The following MMP26 variants were observed in gnomAD, a reference collection of about 807,000 sequenced individuals.
MMP26 encodes matrix metalloproteinase-26.
MMP26 carries 33 observed loss-of-function variants against 31.0 expected under a neutral mutation model. That is an observed-to-expected ratio of 1.06 (90% CI 0.81 to 1.42). The LOEUF (loss-of-function observed/expected upper bound fraction) is 1.42. Among genes scored for constraint, MMP26 ranks in the 40% most tolerant of loss-of-function variants. MMP26 has a pLI of 0.00. For synonymous variants in MMP26, 122 were observed against 114.9 expected, an observed-to-expected ratio of 1.06 and a Z score of -0.40; for missense variants, 347 against 316.1, an observed-to-expected ratio of 1.10 and a Z score of -0.74.
At chr11:4,815,170 C>T (rs1849404564) in intron 2 of MMP26, among the ~76,000 whole-genome samples, 1 of 152,194 alleles carries the variant, frequency 6.6e-6, no homozygotes, top group Admixed American at 6.5e-5. Flanking sequence ...GAAGTAGTCA[C>T]TTATGCCTTA....
At chr11:4,990,171 C>T (rs1228927209) in intron 4 of MMP26, among the ~76,000 whole-genome samples, 1 of 152,046 alleles carries the variant, frequency 6.6e-6, no homozygotes, top group Non-Finnish European at 1.5e-5. Flanking sequence ...TAATTTCTGC[C>T]TAGGTTACTC....
chr11:4,907,917 A>T (rs544760573), intron 2 of MMP26: 4 of 1,614,092 alleles, frequency 2.5e-6, no homozygotes, highest in South Asian at 2.2e-5. Flanking sequence ...CTTCATCAGG[A>T]TACCATGAAG....
chr11:4,935,485 A>G (rs1278948868), intron 2 of MMP26, among the ~76,000 whole-genome samples: 4 of 150,196 alleles, frequency 2.7e-5, no homozygotes, highest in Admixed American at 6.6e-5. Context: ...GGCTGAGACA[A>G]TGGGGTTTTC....
At chr11:4,927,581 G>A (rs1395589993) in intron 2 of MMP26, among the ~76,000 whole-genome samples, 1 of 152,078 alleles carries the variant, frequency 6.6e-6, no homozygotes, top group Non-Finnish European at 1.5e-5. Context: ...TGTGACTAGG[G>A]ATCTATGTGT....
chr11:4,907,115 A>AAAAAAAAAAAAAAAAAAAAAAC (rs1554890101), intron 2 of MMP26, among the ~76,000 whole-genome samples: 2 of 144,816 alleles, frequency 1.4e-5, no homozygotes, highest in Admixed American at 7.0e-5. Flanking sequence ...AAAAAAAAAA[A>AAAAAAAAAAAAAAAAAAAAAAC]TCCTAAAAAT....
chr11:4,728,787 T>C (rs959916722), intron 1 of MMP26, among the ~76,000 whole-genome samples: 2 of 152,126 alleles, frequency 1.3e-5, no homozygotes, highest in South Asian at 2.1e-4. Context: ...TTTAAATTTT[T>C]CTTGAATATA....
At chr11:4,835,546 G>A (rs573544464) in intron 2 of MMP26, among the ~76,000 whole-genome samples, 10 of 152,286 alleles carry the variant, frequency 6.6e-5, no homozygotes, top group Non-Finnish European at 1.2e-4. Flanking sequence ...AATTGGTATG[G>A]ATTTGGCCAG....
intron 2 of MMP26, chr11:4,914,251 G>A (rs560184289): frequency 6.3e-5 from 10 of 158,166 alleles, no homozygotes; most frequent in Non-Finnish European, 8.4e-5. Flanking sequence ...TCTCCACGTC[G>A]CCTGGGCTTC....
At chr11:4,957,556 A>G (rs181285798) in intron 2 of MMP26, among the ~76,000 whole-genome samples, 1 of 152,092 alleles carries the variant, frequency 6.6e-6, no homozygotes, top group East Asian at 1.9e-4. Flanking sequence ...TTTTTCTCTT[A>G]TCTTGAAATA....
chr11:4,876,187 C>A (rs775711597), intron 2 of MMP26: 1 of 152,118 alleles, frequency 6.6e-6, no homozygotes, highest in Non-Finnish European at 1.5e-5. Context: ...TATTGGTGTT[C>A]GTGTTTATTA....
At position 4,723,967 on chromosome 11, in the gene MMP26, T is replaced by C. The variant is rs1419766396; in HGVS notation, c.-217+18922T>C. The stretch of plus-strand genomic sequence containing the variant: ...GTTAAGGGGACTCAGCAGGTTCTGG[T>C]TGACTGTGTCAGTGGTGATGCCTCC... On this transcript the variant is annotated intron_variant, in intron 1 of 7. Coordinates refer to ENST00000380390, the MANE Select transcript of MMP26 (RefSeq NM_021801.5). 15 of 757,522 alleles carry C rather than the reference T, an allele frequency of 2.0e-5. No homozygotes were observed. In the East Asian group the frequency reaches 2.2e-4, roughly 11 times the overall value. The allele number at this position is 757,522 out of a possible 1,614,324, so 46.9% of individuals were successfully genotyped here. A position where few individuals can be genotyped will look rare whatever the true frequency, so the allele number is the denominator to read the frequency against.
At chr11:4,902,764 T>C (rs1221106010) in intron 2 of MMP26, among the ~76,000 whole-genome samples, 1 of 152,206 alleles carries the variant, frequency 6.6e-6, no homozygotes, top group Admixed American at 6.5e-5. Flanking sequence ...GGAGAATATG[T>C]AATCTCATTT....
At chr11:4,729,351 T>C (rs1412585133) in intron 1 of MMP26, among the ~76,000 whole-genome samples, 2 of 152,176 alleles carry the variant, frequency 1.3e-5, no homozygotes, top group Non-Finnish European at 2.9e-5. Context: ...TACATCCTCA[T>C]GGCTGGAATC....
chr11:4,932,089 T>C (rs116083673), intron 2 of MMP26, among the ~76,000 whole-genome samples: 1 of 152,100 alleles, frequency 6.6e-6, no homozygotes, highest in African/African-American at 2.4e-5. Flanking sequence ...CAACTCCCGA[T>C]AGAGTTGTTC....
At chr11:4,822,197 GT>G in intron 2 of MMP26, 1 of 1,600,074 alleles carries the variant, frequency 6.2e-7, no homozygotes. Context: ...CCTCTCATCA[GT>G]TTGTCTCTTG....
intron 2 of MMP26, chr11:4,859,865 C>G (rs1172632540): frequency 4.2e-6 from 2 of 471,088 alleles, no homozygotes; most frequent in Non-Finnish European, 8.8e-6. Context: ...AGCCTTTCAC[C>G]TCTGGAGACA....
At chr11:4,961,642 C>G (rs1222649064) in intron 2 of MMP26, among the ~76,000 whole-genome samples, 5 of 152,196 alleles carry the variant, frequency 3.3e-5, no homozygotes, top group African/African-American at 1.2e-4. Context: ...GTCCTGCAGA[C>G]AGGCAAAAAT....
intron 1 of MMP26, among the ~76,000 whole-genome samples, chr11:4,743,237 G>T (rs1848337687): frequency 6.6e-6 from 1 of 152,076 alleles, no homozygotes; most frequent in African/African-American, 2.4e-5. Flanking sequence ...ACAGGCATCA[G>T]GTTTTCAAAC....
chr11:4,992,057 A>C lies in MMP26; in HGVS notation c.689A>C (p.Tyr230Ser), dbSNP rs140037968. 6.2e-7 allele frequency: 1 copy of C among 1,613,798 alleles called. No homozygotes were observed. Among genetic ancestry groups the C allele is most frequent in the African/African-American group, 1.3e-5 (1 of 74,860 alleles). The change falls in exon 7 of 8, where the codon TAC becomes TCC. Residue 230 changes from tyrosine (Y) to serine (S), a missense_variant. Transcript: ENST00000380390. ...CAGAGCTCCATAATGTACCCCACTT[A>C]CTGGTATCACGACCCTAGAACCTTC... is the stretch of plus-strand genomic sequence containing the variant. ...GNQSSIMYPT[Y>S]WYHDPRTFQL...
Sources: gnomAD v4.1 joint callset for allele counts (sites outside exome capture counted in the v4.1 genomes callset) on GRCh38, gnomAD v4.1.1 for gene constraint, MANE v1.5 for transcripts, NCBI Gene and HGNC (gene_info 2026-07-23, HGNC 2026-07-21) for gene names.